The following MBNL1 variants were observed in gnomAD, a reference collection of about 807,000 sequenced individuals.
MBNL1 encodes muscleblind-like protein 1.
Under a neutral mutation model 42.2 loss-of-function variants are expected in MBNL1, and 8 were observed. The observed-to-expected ratio is 0.19, with a 90% CI of 0.11 to 0.34. The LOEUF (loss-of-function observed/expected upper bound fraction) is 0.34. Ranked by LOEUF, MBNL1 falls within the 10% of genes least tolerant of loss-of-function variation. MBNL1 has a pLI of 1.00. For synonymous variants in MBNL1, 169 were observed against 173.9 expected, an observed-to-expected ratio of 0.97 and a Z score of 0.22; for missense variants, 309 against 495.3, an observed-to-expected ratio of 0.62 and a Z score of 3.57.
intron 2 of MBNL1, among the ~76,000 whole-genome samples, chr3:152,403,627 C>T (rs2098324778): frequency 1.3e-5 from 2 of 152,034 alleles, no homozygotes; most frequent in Non-Finnish European, 2.9e-5. Flanking sequence ...GGGAACTGCC[C>T]TAGAAAACCA....
At chr3:152,435,030 C>A (rs2099059811) in intron 4 of MBNL1, among the ~76,000 whole-genome samples, 1 of 151,680 alleles carries the variant, frequency 6.6e-6, no homozygotes, top group Admixed American at 6.6e-5. Flanking sequence ...TGTGTAGAAG[C>A]TCTTTAGTTT....
intron 1 of MBNL1, among the ~76,000 whole-genome samples, chr3:152,289,317 T>C (rs1001256129): frequency 6.6e-6 from 1 of 152,126 alleles, no homozygotes; most frequent in African/African-American, 2.4e-5. Context: ...TCTATTGACA[T>C]AGAAAGATCA....
At chr3:152,284,030 T>A (rs974321737) in intron 1 of MBNL1, among the ~76,000 whole-genome samples, 6 of 152,174 alleles carry the variant, frequency 3.9e-5, no homozygotes, top group Admixed American at 2.0e-4. Flanking sequence ...TAATTAAACA[T>A]CAAATTCTTA....
At chr3:152,275,618 G>T (rs1285775698) in intron 1 of MBNL1, among the ~76,000 whole-genome samples, 1 of 150,904 alleles carries the variant, frequency 6.6e-6, no homozygotes, top group East Asian at 1.9e-4. Context: ...TGAGGCAGGG[G>T]GATTGCTTGA....
Position 152,255,594 on chromosome 3 carries a change from A to T in MBNL1, n.333+11154A>T, listed in dbSNP as rs117569607. On this transcript the variant is annotated intron_variant and non_coding_transcript_variant, in intron 2 of 2. Coordinates refer to the MBNL1 transcript ENST00000477171. Reference sequence around the variant, plus strand: ...TATTTTAGGTGCTGGGGAAATAGTTACGGACAAGATCAAGTTTCTACCCTC... The same window carrying T: ...TATTTTAGGTGCTGGGGAAATAGTTTCGGACAAGATCAAGTTTCTACCCTC... Among the ~76,000 whole-genome samples, 557 of 152,272 alleles carry T rather than the reference A, an allele frequency of 3.7e-3. 14 individuals are homozygous for T. In the East Asian group the frequency reaches 0.051, roughly 14 times the overall value.
chr3:152,286,438 T>G (rs1412623426), intron 1 of MBNL1, among the ~76,000 whole-genome samples: 1 of 100,874 alleles, frequency 9.9e-6, no homozygotes, highest in Non-Finnish European at 2.1e-5. Flanking sequence ...ATATAAATAT[T>G]TATATTTTAT....
intron 2 of MBNL1, among the ~76,000 whole-genome samples, chr3:152,365,455 T>G (rs2096295241): frequency 1.3e-5 from 2 of 152,118 alleles, no homozygotes; most frequent in South Asian, 4.1e-4. Context: ...TCAAAGACTT[T>G]CCCTTTTCAA....
intron 2 of MBNL1, among the ~76,000 whole-genome samples, chr3:152,303,904 T>G (rs983007782): frequency 6.6e-6 from 1 of 152,192 alleles, no homozygotes; most frequent in Admixed American, 6.6e-5. Flanking sequence ...TTGAAAACTT[T>G]AGTCACTTGT....
chr3:152,305,486 GA>G (rs2062615142), intron 2 of MBNL1, among the ~76,000 whole-genome samples: 1 of 150,660 alleles, frequency 6.6e-6, no homozygotes, highest in South Asian at 2.1e-4. Context: ...GAGGAAATTT[GA>G]ATTTTTTTTT....
chr3:152,430,796 A>C (rs1374145642), intron 3 of MBNL1, among the ~76,000 whole-genome samples: 3 of 152,172 alleles, frequency 2.0e-5, no homozygotes, highest in African/African-American at 7.2e-5. Flanking sequence ...TTTGGAATGC[A>C]CAGATAGTTC....
intron 2 of MBNL1, among the ~76,000 whole-genome samples, chr3:152,317,221 C>T (rs2072430637): frequency 6.6e-6 from 1 of 152,100 alleles, no homozygotes; most frequent in African/African-American, 2.4e-5. Context: ...AATGTGTTAA[C>T]TTTTAAAAGA....
chr3:152,365,285 T>C (rs2096282484), intron 2 of MBNL1, among the ~76,000 whole-genome samples: 1 of 152,082 alleles, frequency 6.6e-6, no homozygotes, highest in Non-Finnish European at 1.5e-5. Flanking sequence ...TTATAACCCC[T>C]CTTATCACTT....
At chr3:152,275,268 T>A (rs115370908) in intron 1 of MBNL1, among the ~76,000 whole-genome samples, 2 of 152,174 alleles carry the variant, frequency 1.3e-5, no homozygotes, top group Non-Finnish European at 2.9e-5. Context: ...AAAAGCTTTA[T>A]GTCACTGACT....
rs746666852 is a variant in MBNL1, at chr3:152,437,045, A to T, written c.549+4125A>T. ...TCCTATCTGCAGGTTATTTCCTCGC[A>T]TGCTAATTGCATTACGTATTGAAGT... is the stretch of plus-strand genomic sequence containing the variant. On this transcript the variant is annotated intron_variant, in intron 4 of 9. Coordinates refer to ENST00000324210, the MANE Select transcript of MBNL1 (RefSeq NM_021038.5). Among the ~76,000 whole-genome samples the T allele has an allele frequency of 1.7e-4, 26 of 152,338 alleles. No individual in the cohort carries two copies. In the South Asian group the frequency reaches 2.3e-3, roughly 13 times the overall value.
At chr3:152,256,557 A>C (rs545199816) in intron 2 of MBNL1, among the ~76,000 whole-genome samples, 1 of 152,262 alleles carries the variant, frequency 6.6e-6, no homozygotes, top group South Asian at 2.1e-4. Flanking sequence ...GCCATTTTCC[A>C]TGGTAATTAT....
chr3:152,397,583 A>G (rs2098025787), intron 2 of MBNL1, among the ~76,000 whole-genome samples: 1 of 152,210 alleles, frequency 6.6e-6, no homozygotes, highest in South Asian at 2.1e-4. Flanking sequence ...TATATGTGCC[A>G]CATTTTCTTT....
chr3:152,342,555 C>CACACACACAT lies in MBNL1; in HGVS notation c.174+42197_174+42198insTACACACACA, dbSNP rs1553851221. Among the ~76,000 whole-genome samples, 4 of 108,740 alleles carry CACACACACAT rather than the reference C, an allele frequency of 3.7e-5. No homozygotes were observed. In the South Asian group the frequency reaches 9.8e-4, roughly 27 times the overall value. The allele number at this position is 108,740 out of a possible 152,430, so 71.3% of individuals were successfully genotyped here. ...TGTCTTACTGGGAAACTAAACAAAACACACACACACACACACACACACACA... is the reference window on the plus strand; with the variant it reads ...TGTCTTACTGGGAAACTAAACAAAACACACACACATACACACACACACACACACACACACA... On this transcript the variant is annotated intron_variant, in intron 2 of 9. Coordinates refer to ENST00000324210, the MANE Select transcript of MBNL1 (RefSeq NM_021038.5).
At chr3:152,275,707 CAAAAAAAAAAAAAAA>C in intron 1 of MBNL1, among the ~76,000 whole-genome samples, 1 of 29,666 alleles carries the variant, frequency 3.4e-5, no homozygotes, top group Non-Finnish European at 5.5e-5. Context: ...ACTCTTGTCT[CAAAAAAAAAAAAAAA>C]AAAAAAAAAA....
chr3:152,369,710 G>T (rs1177736999), intron 2 of MBNL1, among the ~76,000 whole-genome samples: 3 of 152,062 alleles, frequency 2.0e-5, no homozygotes. Flanking sequence ...TCTATTCAGG[G>T]ATTTGACTTC....
Sources: allele counts gnomAD v4.1 joint callset (sites outside exome capture counted in the v4.1 genomes callset), GRCh38; gene constraint gnomAD v4.1.1; transcripts MANE v1.5; gene names NCBI Gene and HGNC (gene_info 2026-07-23, HGNC 2026-07-21).